GNA12: variants seen among roughly 807,000 people sequenced by gnomAD.
The protein encoded by GNA12 is G protein subunit alpha 12.
In GNA12, 9 loss-of-function variants were observed where a neutral mutation model predicts 26.0. The ratio of observed to expected loss-of-function variants is 0.35; its 90% CI spans 0.21 to 0.60. GNA12 has a LOEUF of 0.60. Ranked by LOEUF, GNA12 falls within the 20% of genes least tolerant of loss-of-function variation. The probability of loss-of-function intolerance (pLI) is 0.78; values close to 1 mark genes in which losing one functional copy is unlikely to be tolerated. For synonymous variants in GNA12, 264 were observed against 219.6 expected, an observed-to-expected ratio of 1.20 and a Z score of -1.79; for missense variants, 405 against 525.8, an observed-to-expected ratio of 0.77 and a Z score of 2.25.
chr7:2,788,911 C>T (rs1004002035), intron 2 of GNA12, among the ~76,000 whole-genome samples: 6 of 152,202 alleles, frequency 3.9e-5, no homozygotes, highest in Non-Finnish European at 7.4e-5. Flanking sequence ...ACCTCCATCC[C>T]TGGGCTCAAG....
intron 2 of GNA12, among the ~76,000 whole-genome samples, chr7:2,745,425 CAT>C (rs1332850318): frequency 2.6e-5 from 4 of 152,148 alleles, no homozygotes; most frequent in African/African-American, 9.7e-5. Context: ...AACTAAGCTT[CAT>C]AAGTGAAGGA....
chr7:2,784,790 G>T (rs1562426589), intron 2 of GNA12, among the ~76,000 whole-genome samples: 1 of 152,072 alleles, frequency 6.6e-6, no homozygotes, highest in Non-Finnish European at 1.5e-5. Context: ...TTTGTTATAG[G>T]TTGCAATTTT....
intron 2 of GNA12, among the ~76,000 whole-genome samples, chr7:2,779,210 T>C (rs1278290023): frequency 1.3e-5 from 2 of 151,996 alleles, no homozygotes; most frequent in Non-Finnish European, 2.9e-5. Flanking sequence ...AAAAGCCTGA[T>C]GTGGTGGCAT....
chr7:2,835,953 G>A (rs928291845), intron 1 of GNA12: 48 of 507,564 alleles, frequency 9.5e-5, no homozygotes, highest in Non-Finnish European at 1.7e-4. Context: ...TTCAGTGGGT[G>A]TGAGCAGATT....
intron 1 of GNA12, among the ~76,000 whole-genome samples, chr7:2,803,544 C>A (rs1219593946): frequency 6.6e-6 from 1 of 152,042 alleles, no homozygotes; most frequent in African/African-American, 2.4e-5. Context: ...CAGTGAGGGC[C>A]CTGTTGTGTA....
chr7:2,771,587 G>C (rs1791950440), intron 2 of GNA12, among the ~76,000 whole-genome samples: 1 of 152,106 alleles, frequency 6.6e-6, no homozygotes, highest in South Asian at 2.1e-4. Flanking sequence ...TCCTGCACTT[G>C]GCACAATTCT....
Position 2,766,221 on chromosome 7 carries a change from G to A in GNA12, c.525+28707C>T, listed in dbSNP as rs566859810. 2.6e-5 allele frequency among the ~76,000 whole-genome samples: 4 copies of A among 152,116 alleles called. No homozygotes were observed. The East Asian group carries it at 7.7e-4, about 29-fold the overall frequency. ...CACATAAGCAGAATCATACTTCTGCGACTGGCTTATTTCACTTAGCATAAT... is the reference window on the plus strand; with the variant it reads ...CACATAAGCAGAATCATACTTCTGCAACTGGCTTATTTCACTTAGCATAAT... On this transcript the variant is annotated intron_variant, in intron 2 of 3. Coordinates refer to ENST00000275364, the MANE Select transcript of GNA12 (RefSeq NM_007353.3).
chr7:2,732,444 G>A (rs1789944531), intron 3 of GNA12, among the ~76,000 whole-genome samples: 2 of 152,280 alleles, frequency 1.3e-5, no homozygotes, highest in East Asian at 3.9e-4. Context: ...TACTTGGGAG[G>A]CCGAGACAGG....
chr7:2,742,003 C>G (rs1790530145), intron 2 of GNA12, among the ~76,000 whole-genome samples: 1 of 151,738 alleles, frequency 6.6e-6, no homozygotes, highest in Non-Finnish European at 1.5e-5. Context: ...TTCATTTAAT[C>G]TGAAACACTT....
chr7:2,775,787 G>A (rs998535794), intron 2 of GNA12, among the ~76,000 whole-genome samples: 18 of 152,232 alleles, frequency 1.2e-4, no homozygotes, highest in African/African-American at 4.1e-4. Context: ...ATACAGGCCA[G>A]GCTCAGAATC....
intron 2 of GNA12, among the ~76,000 whole-genome samples, chr7:2,739,359 C>A (rs1562396544): frequency 6.6e-6 from 1 of 152,208 alleles, no homozygotes; most frequent in African/African-American, 2.4e-5. Context: ...CTGGATCTCT[C>A]ATTGGAGCGC....
chr7:2,836,591 C>T (rs1479221708), intron 1 of GNA12, among the ~76,000 whole-genome samples: 3 of 152,136 alleles, frequency 2.0e-5, no homozygotes, highest in Non-Finnish European at 4.4e-5. Context: ...GATGCTCTTA[C>T]AACAGCAGAC....
At position 2,795,157 on chromosome 7, in the gene GNA12, G is replaced by A. The variant is rs373673209; in HGVS notation, c.310-14C>T. The A allele has an allele frequency of 1.9e-5, 30 of 1,594,480 alleles. No homozygotes were observed. Among genetic ancestry groups the A allele is most frequent in the Non-Finnish European group, 2.5e-5 (29 of 1,163,256 alleles). ...AACCCTTGAGCCCTAGAAAATAAAA[G>A]AAAGAAGAGAGGATTTAATTGCATT... On this transcript the variant is annotated splice_polypyrimidine_tract_variant and intron_variant, in intron 1 of 3. Transcript: ENST00000275364.
chr7:2,767,666 T>C (rs1026103020), intron 2 of GNA12, among the ~76,000 whole-genome samples: 3 of 152,248 alleles, frequency 2.0e-5, no homozygotes, highest in African/African-American at 7.2e-5. Flanking sequence ...TTCATTTGTA[T>C]TGTAACTCCT....
intron 2 of GNA12, among the ~76,000 whole-genome samples, chr7:2,786,759 G>T (rs1792372417): frequency 6.6e-6 from 1 of 152,232 alleles, no homozygotes; most frequent in African/African-American, 2.4e-5. Flanking sequence ...GCTGTCCCTG[G>T]GGCAGGTGTC....
chr7:2,817,490 C>T (rs1304964513), intron 1 of GNA12, among the ~76,000 whole-genome samples: 1 of 152,188 alleles, frequency 6.6e-6, no homozygotes, highest in Non-Finnish European at 1.5e-5. Flanking sequence ...ACCCCATGTC[C>T]ACCTGCTCTC....
At chr7:2,761,130 T>TA (rs1313734158) in intron 2 of GNA12, among the ~76,000 whole-genome samples, 5 of 152,278 alleles carry the variant, frequency 3.3e-5, no homozygotes, top group African/African-American at 9.6e-5. Context: ...GGGCTCCTCT[T>TA]AGAGTTATGC....
intron 3 of GNA12, among the ~76,000 whole-genome samples, chr7:2,732,649 A>C (rs1301095233): frequency 6.6e-6 from 1 of 152,206 alleles, no homozygotes; most frequent in African/African-American, 2.4e-5. Flanking sequence ...AAACACGGAC[A>C]TGATCATGCC....
intron 2 of GNA12, among the ~76,000 whole-genome samples, chr7:2,746,469 A>G (rs1187057769): frequency 1.3e-5 from 2 of 152,232 alleles, no homozygotes; most frequent in Non-Finnish European, 2.9e-5. Flanking sequence ...TTTGAAACCA[A>G]CGAGAACAAA....
Sources: allele counts gnomAD v4.1 joint callset (sites outside exome capture counted in the v4.1 genomes callset), GRCh38; gene constraint gnomAD v4.1.1; transcripts MANE v1.5; gene names NCBI Gene and HGNC (gene_info 2026-07-23, HGNC 2026-07-21).